Variants in PCDH15 observed in about 807,000 individuals in gnomAD.
The protein encoded by PCDH15 is protocadherin related 15.
Under a neutral mutation model 178.5 loss-of-function variants are expected in PCDH15, and 129 were observed. The ratio of observed to expected loss-of-function variants is 0.72; its 90% confidence interval spans 0.63 to 0.84. PCDH15 has a LOEUF of 0.84. Among genes scored for constraint, PCDH15 ranks in the 40% least tolerant of loss-of-function variants. The probability of loss-of-function intolerance (pLI) is 0.00; values close to 1 mark genes in which losing one functional copy is unlikely to be tolerated. For synonymous variants in PCDH15, 800 were observed against 732.0 expected, an observed-to-expected ratio of 1.09 and a Z score of -1.50; for missense variants, 2,230 against 2,099.9, an observed-to-expected ratio of 1.06 and a Z score of -1.21.
intron 37 of PCDH15, chr10:53,808,925 T>C (rs1395917800): frequency 1.3e-6 from 2 of 1,568,262 alleles, no homozygotes; most frequent in African/African-American, 2.7e-5. Flanking sequence ...GGGTCTGTAC[T>C]TTCTTCCACA....
rs1252069020 is a variant in PCDH15 at position 54,079,369 on chromosome 10, T to C, written c.2053A>G (p.Ile685Val). Reference protein sequence around the residue: ...ALDRESTDRYILIITASDGRP... With the variant: ...ALDRESTDRYVLIITASDGRP... Reference sequence around the variant, plus strand: ...CCATCTGAAGCTGTGATGATCAGAATGTAGCGATCAGTGCTTTCCCTGTCC... The same window carrying C: ...CCATCTGAAGCTGTGATGATCAGAACGTAGCGATCAGTGCTTTCCCTGTCC... Residue 685 changes from isoleucine to valine, a missense_variant, in exon 17 of 38, where the codon ATT (isoleucine) becomes GTT (valine). Physicochemically the swap from Ile to Val is conservative, Grantham distance 29. Transcript: ENST00000644397. 3.1e-6 allele frequency: 5 copies of C among 1,614,022 alleles called. No individual in the cohort carries two copies. In the African/African-American group the frequency reaches 4.0e-5, roughly 13 times the overall value.
At chr10:54,988,806 G>A (rs927419744) in intron 2 of PCDH15, among the ~76,000 whole-genome samples, 18 of 152,164 alleles carry the variant, frequency 1.2e-4, no homozygotes, top group African/African-American at 3.9e-4. Flanking sequence ...TTTCTAAGGA[G>A]AAATTCAAGC....
At chr10:54,380,731 T>TATACAC (rs56903676) in intron 3 of PCDH15, among the ~76,000 whole-genome samples, 7 of 52,000 alleles carry the variant, frequency 1.3e-4, no homozygotes, top group Non-Finnish European at 2.3e-4. Context: ...TATATATATA[T>TATACAC]ATATATATAT....
At chr10:53,910,865 T>C (rs774154393) in intron 25 of PCDH15, among the ~76,000 whole-genome samples, 1 of 151,952 alleles carries the variant, frequency 6.6e-6, no homozygotes, top group Non-Finnish European at 1.5e-5. Context: ...ACATGACACA[T>C]GAACAAGCTT....
intron 1 of PCDH15, among the ~76,000 whole-genome samples, chr10:54,700,158 C>A (rs116914814): frequency 6.6e-6 from 1 of 152,116 alleles, no homozygotes; most frequent in South Asian, 2.1e-4. Context: ...ACTGAACCCA[C>A]CATATTCCTC....
intron 2 of PCDH15, among the ~76,000 whole-genome samples, chr10:55,424,155 G>A (rs1838692789): frequency 6.6e-6 from 1 of 152,082 alleles, no homozygotes; most frequent in African/African-American, 2.4e-5. Context: ...CTCCAAAAAG[G>A]AACTCTAAAA....
At chr10:55,463,919 A>G (rs1182192615) in intron 2 of PCDH15, among the ~76,000 whole-genome samples, 1 of 23,716 alleles carries the variant, frequency 4.2e-5, no homozygotes, top group Admixed American at 5.5e-4. Flanking sequence ...GAAAGAAAGA[A>G]AGAAAGAAAG....
intron 3 of PCDH15, among the ~76,000 whole-genome samples, chr10:54,887,135 C>G (rs1370214993): frequency 6.6e-6 from 1 of 152,114 alleles, no homozygotes; most frequent in Admixed American, 6.6e-5. Context: ...AGCAGAAAGT[C>G]AATTAGGGCA....
intron 1 of PCDH15, among the ~76,000 whole-genome samples, chr10:54,780,732 G>GT (rs1300797508): frequency 1.1e-5 from 1 of 93,662 alleles, no homozygotes; most frequent in East Asian, 4.6e-4. Context: ...AAGCAATTGT[G>GT]TAAAAAAAAA....
chr10:54,395,722 TATAAGA>T (rs113558204), intron 3 of PCDH15, among the ~76,000 whole-genome samples: 3,983 of 152,114 alleles, frequency 0.026, 160 homozygotes, highest in African/African-American at 0.089. Flanking sequence ...CTGACTGCCT[TATAAGA>T]ATGTTTTTTC....
chr10:55,599,687 AT>A (rs1184870035), intron 2 of PCDH15: 2 of 339,988 alleles, frequency 5.9e-6, no homozygotes, highest in East Asian at 9.5e-5. Flanking sequence ...TATTATCTTT[AT>A]TTTAACCCAA....
At chr10:54,294,874 C>T (rs2059648065) in intron 8 of PCDH15, among the ~76,000 whole-genome samples, 1 of 152,104 alleles carries the variant, frequency 6.6e-6, no homozygotes, top group African/African-American at 2.4e-5. Flanking sequence ...TACACTGAAA[C>T]ATATTCAAAT....
At chr10:54,230,741 ATAT>A (rs1360856848) in intron 9 of PCDH15, among the ~76,000 whole-genome samples, 1 of 152,150 alleles carries the variant, frequency 6.6e-6, no homozygotes, top group Non-Finnish European at 1.5e-5. Context: ...AATATTCATA[ATAT>A]TATTATAATC....
At chr10:54,513,084 A>T (rs1354252879) in intron 3 of PCDH15, among the ~76,000 whole-genome samples, 3 of 152,008 alleles carry the variant, frequency 2.0e-5, no homozygotes, top group Non-Finnish European at 2.9e-5. Context: ...TTTTCATTTT[A>T]TGAAATATTC....
chr10:55,617,476 G>T (rs1159286809), intron 2 of PCDH15, among the ~76,000 whole-genome samples: 2 of 151,998 alleles, frequency 1.3e-5, no homozygotes, highest in African/African-American at 4.8e-5. Context: ...CAAATGACTA[G>T]AACAGTAGAC....
intron 2 of PCDH15, among the ~76,000 whole-genome samples, chr10:54,629,338 G>A (rs1027099986): frequency 1.3e-5 from 2 of 152,034 alleles, no homozygotes; most frequent in Non-Finnish European, 2.9e-5. Flanking sequence ...GAATTCAAGA[G>A]AAGATAAGCA....
intron 30 of PCDH15, among the ~76,000 whole-genome samples, chr10:53,829,717 T>G (rs955041576): frequency 6.6e-6 from 1 of 152,202 alleles, no homozygotes; most frequent in African/African-American, 2.4e-5. Context: ...AGTTTCAGGT[T>G]GGAATTACTT....
intron 2 of PCDH15, among the ~76,000 whole-genome samples, chr10:54,957,544 G>A (rs1373512523): frequency 6.6e-6 from 1 of 151,520 alleles, no homozygotes; most frequent in African/African-American, 2.4e-5. Flanking sequence ...ATCCCTGAAT[G>A]TAGCATCAGT....
At chr10:54,976,127 T>C (rs929615210) in intron 2 of PCDH15, among the ~76,000 whole-genome samples, 1 of 152,084 alleles carries the variant, frequency 6.6e-6, no homozygotes, top group Non-Finnish European at 1.5e-5. Flanking sequence ...TTTCATCAGT[T>C]CACTAAATTA....
Sources: gnomAD v4.1 joint callset for allele counts (sites outside exome capture counted in the v4.1 genomes callset) on GRCh38, gnomAD v4.1.1 for gene constraint, MANE v1.5 for transcripts, NCBI Gene and HGNC (gene_info 2026-07-23, HGNC 2026-07-21) for gene names.